PCNX2: variants seen among roughly 807,000 people sequenced by gnomAD.
PCNX2 encodes pecanex-like protein 2.
In PCNX2, 168 loss-of-function variants were observed where a neutral mutation model predicts 223.8. That is an observed-to-expected ratio of 0.75 (90% CI 0.66 to 0.85). The LOEUF (loss-of-function observed/expected upper bound fraction) is 0.85, where lower values mean the gene tolerates loss of function less well. PCNX2 is among the 40% of genes least tolerant of loss of function. The probability of loss-of-function intolerance (pLI) is 0.00; values close to 1 mark genes in which losing one functional copy is unlikely to be tolerated. For synonymous variants in PCNX2, 1,006 were observed against 1,052.6 expected (o/e 0.96, Z 0.86); for missense variants, 2,507 against 2,675.5 (o/e 0.94, Z 1.39).
intron 5 of PCNX2, among the ~76,000 whole-genome samples, chr1:233,254,801 C>T (rs1659639213): frequency 6.6e-6 from 1 of 150,988 alleles, no homozygotes. Context: ...ATTGGATATT[C>T]ATCTACATCA....
chr1:233,052,265 C>G (rs10489576), intron 25 of PCNX2, among the ~76,000 whole-genome samples: 1 of 152,040 alleles, frequency 6.6e-6, no homozygotes, highest in Non-Finnish European at 1.5e-5. Flanking sequence ...TCCAAAGAAC[C>G]GAGATAACTG....
chr1:233,011,182 G>C (rs962265245), intron 28 of PCNX2, among the ~76,000 whole-genome samples: 5 of 152,134 alleles, frequency 3.3e-5, no homozygotes, highest in African/African-American at 1.2e-4. Flanking sequence ...ATCCATCATT[G>C]TATAAAAACA....
chr1:233,297,932 A>G (rs1426171629), upstream of PCNX2, among the ~76,000 whole-genome samples: 3 of 152,140 alleles, frequency 2.0e-5, no homozygotes, highest in Non-Finnish European at 4.4e-5. Context: ...GAATGTAATG[A>G]TTTTCCATTT....
At chr1:233,022,041 A>T (rs1670905329) in intron 26 of PCNX2, among the ~76,000 whole-genome samples, 1 of 151,910 alleles carries the variant, frequency 6.6e-6, no homozygotes, top group Admixed American at 6.6e-5. Flanking sequence ...TCTCACTCTC[A>T]TCCCTCCTCC....
At chr1:233,148,869 T>C (rs1233565121) in intron 19 of PCNX2, among the ~76,000 whole-genome samples, 5 of 152,168 alleles carry the variant, frequency 3.3e-5, no homozygotes, top group Non-Finnish European at 7.4e-5. Context: ...AAAAGATGAA[T>C]AATAATGTAA....
the PCNX2 span, among the ~76,000 whole-genome samples, chr1:233,326,187 T>C: frequency 6.6e-6 from 1 of 152,228 alleles, no homozygotes; most frequent in South Asian, 2.1e-4. Flanking sequence ...ACTGGAAACA[T>C]AACTTGTATA....
intron 26 of PCNX2, among the ~76,000 whole-genome samples, chr1:233,022,678 ATTCT>A (rs1305820089): frequency 6.8e-6 from 1 of 147,660 alleles, no homozygotes; most frequent in Admixed American, 6.8e-5. Flanking sequence ...GTCTAGCCTA[ATTCT>A]TTCTTTTTCT....
intron 11 of PCNX2, 45 bp downstream of exon 11, chr1:233,217,981 CTACAT>C: frequency 1.2e-6 from 2 of 1,613,248 alleles, no homozygotes; most frequent in Non-Finnish European, 1.7e-6. Context: ...GATTTCAAGG[CTACAT>C]TAGTGACAGC....
Position 233,295,328 on chromosome 1 carries a change from G to C in PCNX2, c.151C>G (p.Leu51Val). ...GGGACCGGACCCTCCCCACTCACCA[G>C]GTGCAGGGCCAGGGGCAGCAGCAGG... Reference protein sequence around the residue: ...FLLLLPLALHLAFPPNAIIVF... With the variant: ...FLLLLPLALHVAFPPNAIIVF... Residue 51 changes from leucine (L) to valine (V), a missense_variant and splice_region_variant, in exon 1 of 34, where the codon CTG becomes GTG. Physicochemically the swap from Leu to Val is conservative, Grantham distance 32 (BLOSUM62 1). Transcript: ENST00000258229. This position sits in a 1 kb window ranked among gnomAD's most constrained non-coding sequence, Gnocchi z 4.1. 6.3e-7 allele frequency: 1 copy of C among 1,576,466 alleles called. No individual in the cohort carries two copies. The highest frequency in any genetic ancestry group is 8.6e-7 in the Non-Finnish European group (1 of 1,160,918).
At chr1:233,280,162 T>C (rs1288962296) in intron 1 of PCNX2, among the ~76,000 whole-genome samples, 1 of 152,216 alleles carries the variant, frequency 6.6e-6, no homozygotes, top group Non-Finnish European at 1.5e-5. Context: ...CTTAATCCAT[T>C]AAGCCAATTC....
chr1:233,096,778 C>T (rs1364896669), intron 21 of PCNX2, among the ~76,000 whole-genome samples: 2 of 152,228 alleles, frequency 1.3e-5, no homozygotes, highest in African/African-American at 4.8e-5. Flanking sequence ...GCTCAATAGC[C>T]ATTATATAAA....
chr1:233,280,338 C>T (rs1456836025), intron 1 of PCNX2, among the ~76,000 whole-genome samples: 1 of 142,178 alleles, frequency 7.0e-6, no homozygotes, highest in Non-Finnish European at 1.5e-5. Context: ...CTCACTCTGT[C>T]ACCCAGGCTG....
chr1:233,153,272 T>C (rs1677926876), intron 19 of PCNX2, among the ~76,000 whole-genome samples: 1 of 152,074 alleles, frequency 6.6e-6, no homozygotes, highest in Admixed American at 6.5e-5. Context: ...GAGGACAAGC[T>C]TCACTCCAAA....
chr1:233,262,117 G>A lies in PCNX2; in HGVS notation c.408C>T (p.Asn136=). 3 of 1,613,838 alleles carry A rather than the reference G, an allele frequency of 1.9e-6. No homozygotes were observed. The highest frequency in any genetic ancestry group is 2.5e-6 in the Non-Finnish European group (3 of 1,179,780). Residue 136 remains asparagine, a synonymous_variant, in exon 3 of 34, where the codon AAC becomes AAT. Transcript: ENST00000258229. ...HNGKKEEASR[N]LSTPPLRCSS... ...TGCAGCGGAGGGGAGGCGTGGAGAG[G>A]TTTCGACTGGCCTCTTCCTTTTTGC...
chr1:232,997,626 G>A (rs1319547153), intron 32 of PCNX2, among the ~76,000 whole-genome samples: 1 of 152,172 alleles, frequency 6.6e-6, no homozygotes, highest in Admixed American at 6.5e-5. Flanking sequence ...CCTCCCCAGT[G>A]CAGACCACCA....
intron 25 of PCNX2, among the ~76,000 whole-genome samples, chr1:233,034,115 G>A (rs1304107458): frequency 6.6e-6 from 1 of 152,174 alleles, no homozygotes; most frequent in African/African-American, 2.4e-5. Context: ...GGGGGGCTGA[G>A]GCAGGAGAAT....
chr1:233,250,553 G>A (rs1162782702), intron 8 of PCNX2, 186 bp downstream of exon 8: 1 of 984,246 alleles, frequency 1.0e-6, no homozygotes, highest in Non-Finnish European at 1.2e-6. Context: ...CAATGAAAAT[G>A]GTTTCATTTA....
rs764246063 is a variant in PCNX2 at position 233,139,822 on chromosome 1, TAG to T, written c.3549_3550del (p.Tyr1184CysfsTer7). 4 of 1,613,454 alleles carry T rather than the reference TAG, an allele frequency of 2.5e-6. No individual in the cohort carries two copies. Among genetic ancestry groups the T allele is most frequent in the African/African-American group, 1.3e-5 (1 of 74,938 alleles). Reference sequence around the variant, plus strand: ...TTTTTCAAAACACTGAAGCCAAACATAGAGTCTTTCGAACCACATTAAATGGG... The same window carrying T: ...TTTTTCAAAACACTGAAGCCAAACATAGTCTTTCGAACCACATTAAATGGG... On this transcript the variant is annotated frameshift_variant, in exon 20 of 34. Transcript: ENST00000258229. LOFTEE classifies it high-confidence loss of function. The surrounding 1 kb of genome is among the most constrained non-coding windows in gnomAD (Gnocchi z 4.4).
intron 19 of PCNX2, among the ~76,000 whole-genome samples, chr1:233,145,150 T>G (rs1677368375): frequency 6.6e-6 from 1 of 152,044 alleles, no homozygotes; most frequent in Admixed American, 6.6e-5. Context: ...TATTTTTTAG[T>G]AGAGACGGTG....
Sources: gnomAD v4.1 joint callset for allele counts (sites outside exome capture counted in the v4.1 genomes callset) on GRCh38, gnomAD v4.1.1 for gene constraint, Gnocchi (gnomAD v3.1) non-coding constraint, MANE v1.5 for transcripts, NCBI Gene and HGNC (gene_info 2026-07-23, HGNC 2026-07-21) for gene names.